Variants in BCAP29 observed in about 807,000 individuals in gnomAD.
The protein encoded by BCAP29 is B-cell receptor-associated protein 29.
A neutral mutation model predicts 31.8 loss-of-function variants in BCAP29; 34 were observed. The observed-to-expected ratio is 1.07, with a 90% CI of 0.81 to 1.42. The LOEUF (loss-of-function observed/expected upper bound fraction) is 1.42, where lower values mean the gene tolerates loss of function less well. Ranked by LOEUF, BCAP29 falls within the 40% of genes most tolerant of loss-of-function variation. BCAP29 has a pLI of 0.00. For missense variants in BCAP29, 314 were observed against 269.2 expected (o/e 1.17, Z -1.16); for synonymous variants, 104 against 91.3 (o/e 1.14, Z -0.79).
At position 107,620,127 on chromosome 7, in the gene BCAP29, T is replaced by G. The variant is rs949062704; in HGVS notation, c.*1764T>G. ...TTTAAAGTTTACATTTAAGGGACCT[T>G]GGACCTCAACCCTCTCAAGTTTACA... On this transcript the variant is annotated 3_prime_UTR_variant, in exon 8 of 8. Coordinates refer to ENST00000005259, the MANE Select transcript of BCAP29 (RefSeq NM_018844.4). The G allele has an allele frequency of 5.3e-5, 8 of 152,212 alleles. No homozygotes were observed. The highest frequency in any genetic ancestry group is 1.2e-4 in the Non-Finnish European group (8 of 68,032). 9.4% of individuals were successfully genotyped at this position (152,212 alleles called of 1,614,324 possible). A position where few individuals can be genotyped will look rare whatever the true frequency, so the allele number is the denominator to read the frequency against.
chr7:107,594,218 T>TC (rs1258209847), intron 4 of BCAP29, 113 bp downstream of exon 4: 4 of 974,058 alleles, frequency 4.1e-6, no homozygotes, highest in Non-Finnish European at 5.9e-6. Context: ...AGACAACCTT[T>TC]CGCTCTGTTG....
At chr7:107,590,524 A>G (rs952339140) in intron 3 of BCAP29, among the ~76,000 whole-genome samples, 4 of 152,178 alleles carry the variant, frequency 2.6e-5, no homozygotes, top group African/African-American at 9.7e-5. Flanking sequence ...GATTATTTAT[A>G]TAGAAAATCC....
In BCAP29 at chr7:107,580,832, AATCT is replaced by A. The variant is rs1806496332; in HGVS notation, c.61_64del (p.Ile21SerfsTer38). 6 of 1,590,534 alleles carry A rather than the reference AATCT, an allele frequency of 3.8e-6. No homozygotes were observed. Among genetic ancestry groups the A allele is most frequent in the Non-Finnish European group, 5.1e-6 (6 of 1,170,298 alleles). Reference sequence around the variant, plus strand: ...TTTATGCCGAAATAGGACTCATTTTAATCTTCTGCCTACCTTTTATTCCTCCTCA... The same window carrying A: ...TTTATGCCGAAATAGGACTCATTTTATCTGCCTACCTTTTATTCCTCCTCA... On this transcript the variant is annotated frameshift_variant, in exon 2 of 8. Coordinates refer to ENST00000005259, the MANE Select transcript of BCAP29 (RefSeq NM_018844.4). LOFTEE classifies it high-confidence loss of function.
At position 107,598,894 on chromosome 7, in the gene BCAP29, T is replaced by TACAC. The variant is rs59376183; in HGVS notation, c.481-1468_481-1465dup. The stretch of plus-strand genomic sequence containing the variant: ...TAAGACCAGCCTGGGCAATACAGTA[T>TACAC]ACACACACACACACACACACACACA... On this transcript the variant is annotated intron_variant, in intron 5 of 7. Coordinates refer to ENST00000005259, the MANE Select transcript of BCAP29 (RefSeq NM_018844.4). Among the ~76,000 whole-genome samples, 840 of 139,104 alleles carry TACAC rather than the reference T, an allele frequency of 6.0e-3. 9 individuals are homozygous for TACAC. The highest frequency in any genetic ancestry group is 0.022 in the African/African-American group (793 of 36,818). The allele number at this position is 139,104 out of a possible 152,430, so 91.3% of individuals were successfully genotyped here.
At chr7:107,607,105 A>C (rs936516010) in intron 6 of BCAP29, among the ~76,000 whole-genome samples, 8 of 152,304 alleles carry the variant, frequency 5.3e-5, no homozygotes, top group African/African-American at 1.9e-4. Flanking sequence ...ATTTGAGCTC[A>C]GGAGTTTGAG....
Position 107,618,621 on chromosome 7 carries a change from A to T in BCAP29, c.*258A>T. ...TACATATTGATAATGTCATTGGTAT[A>T]TGGTGGCTGTTTACCAATAAAAGGA... is the stretch of plus-strand genomic sequence containing the variant. On this transcript the variant is annotated 3_prime_UTR_variant, in exon 8 of 8. Coordinates refer to ENST00000005259, the MANE Select transcript of BCAP29 (RefSeq NM_018844.4). The T allele has an allele frequency of 6.6e-7, 1 of 1,511,724 alleles. No individual in the cohort carries two copies. Among genetic ancestry groups the T allele is most frequent in the African/African-American group, 1.4e-5 (1 of 71,692 alleles). 93.6% of individuals were successfully genotyped at this position (1,511,724 alleles called of 1,614,324 possible).
At chr7:107,588,617 A>G (rs1261616193) in intron 3 of BCAP29, among the ~76,000 whole-genome samples, 5 of 152,220 alleles carry the variant, frequency 3.3e-5, no homozygotes, top group South Asian at 2.1e-4. Flanking sequence ...AGGGAATCAT[A>G]CTGGGTGTGA....
intron 6 of BCAP29, among the ~76,000 whole-genome samples, chr7:107,608,130 C>T (rs76444102): frequency 0.012 from 1,787 of 150,850 alleles, 31 homozygotes; most frequent in African/African-American, 0.041. Context: ...TTTTCCATAC[C>T]GTAATCTTTG....
At chr7:107,590,876 A>G (rs1023398591) in intron 3 of BCAP29, among the ~76,000 whole-genome samples, 7 of 152,134 alleles carry the variant, frequency 4.6e-5, no homozygotes, top group African/African-American at 1.7e-4. Flanking sequence ...AGTATCTACA[A>G]GAAAGTTATT....
intron 3 of BCAP29, among the ~76,000 whole-genome samples, chr7:107,587,123 T>C (rs541016614): frequency 6.6e-6 from 1 of 152,294 alleles, no homozygotes; most frequent in East Asian, 1.9e-4. Context: ...GTGTGTATTT[T>C]AGGTGCTGGT....
intron 3 of BCAP29, among the ~76,000 whole-genome samples, chr7:107,586,530 G>A (rs1016911469): frequency 1.3e-5 from 2 of 152,036 alleles, no homozygotes; most frequent in South Asian, 2.1e-4. Context: ...ACCTACTTTC[G>A]TGTTTTAAGA....
intron 5 of BCAP29, among the ~76,000 whole-genome samples, chr7:107,596,621 T>C (rs1196894816): frequency 1.3e-5 from 2 of 152,216 alleles, no homozygotes; most frequent in African/African-American, 4.8e-5. Context: ...CAACTGATCA[T>C]GTACATATCT....
In BCAP29 at chr7:107,583,946, C is replaced by T. The variant is rs1406863153; in HGVS notation, c.157C>T (p.Leu53Phe). ...KIATFWNKAFLTIIILLIVLF... is the reference protein window; with the variant it reads ...KIATFWNKAFFTIIILLIVLF... ...TGCAACTTTTTGGAACAAGGCTTTC[C>T]TTACCATTATCATCCTATTGATTGT... The change falls in exon 3 of 8, where the codon CTT becomes TTT. Residue 53 changes from leucine (L) to phenylalanine (F), a missense_variant. Transcript: ENST00000005259. 1.9e-6 allele frequency: 3 copies of T among 1,583,716 alleles called. No homozygotes were observed. Among genetic ancestry groups the T allele is most frequent in the Admixed American group, 1.8e-5 (1 of 57,130 alleles).
intron 3 of BCAP29, among the ~76,000 whole-genome samples, chr7:107,584,865 AC>A (rs1807352267): frequency 6.6e-6 from 1 of 152,180 alleles, no homozygotes; most frequent in Non-Finnish European, 1.5e-5. Context: ...TGGGCCAAAT[AC>A]CTATTTTTGT....
chr7:107,612,410 T>TATAG (rs1813323252), intron 6 of BCAP29, among the ~76,000 whole-genome samples: 1 of 43,280 alleles, frequency 2.3e-5, no homozygotes, highest in Non-Finnish European at 7.5e-5. Context: ...TATATATATA[T>TATAG]ATATATATAT....
At chr7:107,613,648 T>G in intron 7 of BCAP29, 1 of 1,609,586 alleles carries the variant, frequency 6.2e-7, no homozygotes, top group Non-Finnish European at 8.5e-7. Flanking sequence ...ACTTGCATAC[T>G]TACAGCATTC....
rs774922774 is a variant in BCAP29, at chr7:107,618,377, C to T, written c.*14C>T. On this transcript the variant is annotated 3_prime_UTR_variant, in exon 8 of 8. Transcript: ENST00000005259. ...AAAAGACTGTGAACTTTATAAAAGA[C>T]ACTTGCAATATACTGTGTCAAAATG... 1 of 1,608,446 alleles carries T rather than the reference C, an allele frequency of 6.2e-7. No homozygotes were observed. The highest frequency in any genetic ancestry group is 1.1e-5 in the South Asian group (1 of 90,436).
rs1054493305 is a variant in BCAP29 at position 107,613,546 on chromosome 7, T to G, written c.690+114T>G. 1.7e-5 allele frequency: 22 copies of G among 1,332,450 alleles called. No homozygotes were observed. The African/African-American group carries it at 3.3e-4, about 20-fold the overall frequency. 82.5% of individuals were successfully genotyped at this position (1,332,450 alleles called of 1,614,324 possible). ...CAAGATGATGTACTTAATCCTGGCT[T>G]TGTTAAACGATTTAAAGAAGCCAGA... On this transcript the variant is annotated intron_variant, in intron 7 of 7. Coordinates refer to ENST00000005259, the MANE Select transcript of BCAP29 (RefSeq NM_018844.4).
chr7:107,612,251 C>T (rs1234801486), intron 6 of BCAP29, among the ~76,000 whole-genome samples: 1 of 151,306 alleles, frequency 6.6e-6, no homozygotes, highest in Non-Finnish European at 1.5e-5. Flanking sequence ...CTTCAGGATT[C>T]CCAGAGTTTG....
Sources: allele counts gnomAD v4.1 joint callset (sites outside exome capture counted in the v4.1 genomes callset), GRCh38; gene constraint gnomAD v4.1.1; transcripts MANE v1.5; gene names NCBI Gene and HGNC (gene_info 2026-07-23, HGNC 2026-07-21).